The following SPATA16 variants were observed in gnomAD, a reference collection of about 807,000 sequenced individuals.
SPATA16 encodes the protein spermatogenesis-associated protein 16.
In SPATA16, 36 loss-of-function variants were observed where a neutral mutation model predicts 63.3. That is an observed-to-expected ratio of 0.57 (90% CI 0.44 to 0.75). The LOEUF is 0.75. Ranked by LOEUF, SPATA16 falls within the 30% of genes least tolerant of loss-of-function variation. The pLI is 0.00. For synonymous variants in SPATA16, 203 were observed against 216.7 expected (o/e 0.94, Z 0.56); for missense variants, 646 against 679.3 (o/e 0.95, Z 0.54).
chr3:172,913,978 A>T (rs1732426934), intron 9 of SPATA16, among the ~76,000 whole-genome samples: 2 of 152,212 alleles, frequency 1.3e-5, no homozygotes, highest in Non-Finnish European at 1.5e-5. Flanking sequence ...AAAAACATAT[A>T]GGTTTTAATG....
chr3:173,098,598 C>T (rs534611618), intron 2 of SPATA16, among the ~76,000 whole-genome samples: 2 of 152,186 alleles, frequency 1.3e-5, no homozygotes, highest in African/African-American at 4.8e-5. Flanking sequence ...GATTTGCCAA[C>T]ATGCATGATG....
At chr3:172,992,183 A>G (rs935370416) in intron 4 of SPATA16, among the ~76,000 whole-genome samples, 1 of 152,060 alleles carries the variant, frequency 6.6e-6, no homozygotes, top group Non-Finnish European at 1.5e-5. Flanking sequence ...TTTTTCTTCT[A>G]TTTAAAAAAC....
intron 4 of SPATA16, among the ~76,000 whole-genome samples, chr3:173,006,631 CAT>C (rs1348390492): frequency 6.6e-6 from 1 of 152,146 alleles, no homozygotes; most frequent in African/African-American, 2.4e-5. Flanking sequence ...CATTTAAAAT[CAT>C]AGAGTTCCCT....
intron 5 of SPATA16, among the ~76,000 whole-genome samples, chr3:172,971,404 T>C (rs1425976447): frequency 6.6e-6 from 1 of 152,240 alleles, no homozygotes; most frequent in Admixed American, 6.5e-5. Flanking sequence ...AATATTTAAT[T>C]TGATTGATTG....
chr3:172,915,506 C>T (rs1390533772), intron 9 of SPATA16, among the ~76,000 whole-genome samples: 1 of 152,020 alleles, frequency 6.6e-6, no homozygotes, highest in Non-Finnish European at 1.5e-5. Context: ...TAGCTGCTCT[C>T]AATTAAAGCT....
At chr3:172,972,157 A>G (rs1361034556) in intron 5 of SPATA16, among the ~76,000 whole-genome samples, 8 of 152,178 alleles carry the variant, frequency 5.3e-5, no homozygotes, top group Non-Finnish European at 1.0e-4. Context: ...AAACATTTCA[A>G]TGCCAAGTGC....
At chr3:173,121,183 A>G (rs563643202) in intron 1 of SPATA16, among the ~76,000 whole-genome samples, 2 of 151,798 alleles carry the variant, frequency 1.3e-5, no homozygotes, top group East Asian at 3.9e-4. Context: ...AAATCGGATG[A>G]CTTTATTTCA....
rs1553803001 is a variant in SPATA16, at chr3:173,100,707, C to CACAGAGAGAG, written c.612+16412_612+16413insCTCTCTCTGT. On this transcript the variant is annotated intron_variant, in intron 2 of 10. Coordinates refer to ENST00000351008, the MANE Select transcript of SPATA16 (RefSeq NM_031955.6). ...ACACACACACACACACACACACACA[C>CACAGAGAGAG]AGAGTAAATTCTTGTTTATCAATTT... Among the ~76,000 whole-genome samples, 5 of 143,810 alleles carry CACAGAGAGAG rather than the reference C, an allele frequency of 3.5e-5. 1 individual carries two copies. The highest frequency in any genetic ancestry group is 1.1e-4 in the African/African-American group (4 of 37,696). The allele number at this position is 143,810 out of a possible 152,430, so 94.3% of individuals were successfully genotyped here.
chr3:173,102,486 G>A (rs1479017351), intron 2 of SPATA16, among the ~76,000 whole-genome samples: 3 of 152,212 alleles, frequency 2.0e-5, no homozygotes, highest in Non-Finnish European at 4.4e-5. Context: ...GCAGGAGCAA[G>A]TATGTCACAT....
intron 5 of SPATA16, among the ~76,000 whole-genome samples, chr3:172,966,262 T>C (rs1733917698): frequency 6.6e-6 from 1 of 152,224 alleles, no homozygotes; most frequent in African/African-American, 2.4e-5. Context: ...CAGTCTCTGG[T>C]TACATCTCTG....
chr3:172,922,896 C>T (rs143523199), intron 8 of SPATA16, among the ~76,000 whole-genome samples: 7 of 152,058 alleles, frequency 4.6e-5, no homozygotes, highest in Middle Eastern at 3.4e-3. Context: ...CACTCCAACC[C>T]GGGTGACAGG....
chr3:173,069,984 A>T (rs1481598182), intron 2 of SPATA16, among the ~76,000 whole-genome samples: 1 of 151,784 alleles, frequency 6.6e-6, no homozygotes, highest in Non-Finnish European at 1.5e-5. Context: ...TGTAGAGGGC[A>T]CAGGCCTGAA....
In SPATA16 at chr3:172,889,377, A is replaced by G; in HGVS notation, c.*193T>C. On this transcript the variant is annotated 3_prime_UTR_variant, in exon 11 of 11. Transcript: ENST00000351008. ...AAAAGTCAAGTCAAACTTGCTGAGAATATTTATTGCTGCCAGTTGAGATTA... is the reference window on the plus strand; with the variant it reads ...AAAAGTCAAGTCAAACTTGCTGAGAGTATTTATTGCTGCCAGTTGAGATTA... 2 of 784,686 alleles carry G rather than the reference A, an allele frequency of 2.5e-6. No homozygotes were observed. Among genetic ancestry groups the G allele is most frequent in the Non-Finnish European group, 4.1e-6 (2 of 487,224 alleles). 48.6% of individuals were successfully genotyped at this position (784,686 alleles called of 1,614,324 possible).
chr3:173,038,130 T>G lies in SPATA16; in HGVS notation c.758+10819A>C, dbSNP rs543280421. ...CTGGAAAGGAAGTAGAAAGAAAATT[T>G]TAAATATCAGGCATAGGCTGGCAAG... is the stretch of plus-strand genomic sequence containing the variant. On this transcript the variant is annotated intron_variant, in intron 3 of 10. Transcript: ENST00000351008. Among the ~76,000 whole-genome samples, 13 of 152,084 alleles carry G rather than the reference T, an allele frequency of 8.5e-5. No homozygotes were observed. The South Asian group carries it at 2.5e-3, about 29-fold the overall frequency.
intron 4 of SPATA16, among the ~76,000 whole-genome samples, chr3:172,997,140 T>TTG (rs1560091601): frequency 5.3e-5 from 8 of 152,186 alleles, no homozygotes. Flanking sequence ...CTCCTTTGTG[T>TTG]AAATACCAAG....
intron 3 of SPATA16, among the ~76,000 whole-genome samples, chr3:173,040,254 A>G (rs1735809066): frequency 6.6e-6 from 1 of 152,050 alleles, no homozygotes; most frequent in South Asian, 2.1e-4. Context: ...GATAATATAT[A>G]GCTATATTTA....
intron 6 of SPATA16, among the ~76,000 whole-genome samples, chr3:172,925,998 G>C (rs1390333790): frequency 2.0e-5 from 3 of 151,862 alleles, no homozygotes; most frequent in Non-Finnish European, 2.9e-5. Context: ...GCTGATTTTT[G>C]TATTTTTAGT....
In SPATA16 at chr3:172,889,661, A is replaced by G; in HGVS notation, c.1619T>C (p.Leu540Ser). The stretch of plus-strand genomic sequence containing the variant: ...TTTAGTTTTTAAGAAACTGTCCTCT[A>G]ATTGGTATAGAAAATCTTCAATTTG... ...VGQIEDFLYQLEDSFLKTKKL... is the reference protein window; with the variant it reads ...VGQIEDFLYQSEDSFLKTKKL... The change falls in exon 11 of 11, where the codon TTA (leucine) becomes TCA (serine). Residue 540 changes from leucine (L) to serine (S), a missense_variant. Physicochemically the swap from Leu to Ser is moderately radical, Grantham distance 145. Coordinates refer to ENST00000351008, the MANE Select transcript of SPATA16 (RefSeq NM_031955.6). 1 of 1,613,580 alleles carries G rather than the reference A, an allele frequency of 6.2e-7. No homozygotes were observed. Among genetic ancestry groups the G allele is most frequent in the African/African-American group, 1.3e-5 (1 of 75,020 alleles).
intron 5 of SPATA16, among the ~76,000 whole-genome samples, chr3:172,967,644 C>CA (rs1265718205): frequency 6.6e-6 from 1 of 152,172 alleles, no homozygotes; most frequent in Non-Finnish European, 1.5e-5. Context: ...TCTGTATTTA[C>CA]AGTTGCTCCC....
Sources: gnomAD v4.1 joint callset for allele counts (sites outside exome capture counted in the v4.1 genomes callset) on GRCh38, gnomAD v4.1.1 for gene constraint, MANE v1.5 for transcripts, NCBI Gene and HGNC (gene_info 2026-07-23, HGNC 2026-07-21) for gene names.